The following MYPN variants were observed in gnomAD, a reference collection of about 807,000 sequenced individuals.
MYPN encodes sarcomeric protein myopalladin, 145 kDa (MYOP).
In MYPN, 63 loss-of-function variants were observed where a neutral mutation model predicts 129.4. That is an observed-to-expected ratio of 0.49 (90% CI 0.40 to 0.60). The LOEUF is 0.60. Among genes scored for constraint, MYPN ranks in the 20% least tolerant of loss-of-function variants. The pLI is 0.00. For synonymous variants in MYPN, 629 were observed against 600.9 expected (o/e 1.05, Z -0.68); for missense variants, 1,596 against 1,635.4 (o/e 0.98, Z 0.42).
In MYPN at chr10:68,115,899, A is replaced by AT. The variant is rs201327916; in HGVS notation, c.-1-5530dup. The stretch of plus-strand genomic sequence containing the variant: ...GCTTACTTCTACCTCTGTCAGGAAC[A>AT]TTTTTTTTTACCAGATGGTCACATG... On this transcript the variant is annotated intron_variant, in intron 1 of 19. Transcript: ENST00000358913. Among the ~76,000 whole-genome samples the AT allele has an allele frequency of 9.9e-5, 15 of 151,538 alleles. No individual in the cohort carries two copies. In the Middle Eastern group the frequency reaches 0.01, roughly 105 times the overall value.
At chr10:68,204,494 G>A (rs2043777774) in intron 18 of MYPN, among the ~76,000 whole-genome samples, 1 of 152,210 alleles carries the variant, frequency 6.6e-6, no homozygotes, top group Non-Finnish European at 1.5e-5. Context: ...GGCCAAGGCA[G>A]GTGGATCACC....
intron 2 of MYPN, among the ~76,000 whole-genome samples, chr10:68,125,442 C>T (rs145738686): frequency 1.3e-5 from 2 of 152,156 alleles, no homozygotes; most frequent in African/African-American, 2.4e-5. Context: ...TAGAATTGTC[C>T]GAGTAGACTA....
chr10:68,093,883 C>T (rs1437019754), intron 1 of MYPN, among the ~76,000 whole-genome samples: 2 of 152,056 alleles, frequency 1.3e-5, no homozygotes, highest in Non-Finnish European at 2.9e-5. Flanking sequence ...GGATTATTCA[C>T]GAGTTTTCCA....
intron 18 of MYPN, among the ~76,000 whole-genome samples, chr10:68,203,446 A>C (rs1320652558): frequency 6.6e-6 from 1 of 151,450 alleles, no homozygotes; most frequent in Admixed American, 6.6e-5. Context: ...TTAATTGTCT[A>C]GGCATGGTGG....
chr10:68,138,156 G>A (rs547985072), intron 2 of MYPN, among the ~76,000 whole-genome samples: 127 of 148,810 alleles, frequency 8.5e-4, no homozygotes, highest in African/African-American at 2.7e-3. Flanking sequence ...AGGCTGGGGT[G>A]CAGTGCCGCG....
chr10:68,168,892 C>G (rs1279488709), intron 10 of MYPN, among the ~76,000 whole-genome samples: 1 of 147,192 alleles, frequency 6.8e-6, no homozygotes, highest in East Asian at 2.0e-4. Flanking sequence ...ACTCAGGAGG[C>G]TGAGGTGGGA....
rs527783693 is a variant in MYPN, at chr10:68,148,786, A to T, written c.1245+319A>T. ...TGGCCTAGAACAAACACTCTATATC[A>T]TAAAACCTGATTAGTTTCATGGAGC... is the stretch of plus-strand genomic sequence containing the variant. On this transcript the variant is annotated intron_variant, in intron 5 of 19. Coordinates refer to ENST00000358913, the MANE Select transcript of MYPN (RefSeq NM_032578.4). 6.8e-4 allele frequency among the ~76,000 whole-genome samples: 103 copies of T among 152,360 alleles called. 1 individual carries two copies. The South Asian group carries it at 0.013, about 20-fold the overall frequency.
chr10:68,182,617 A>G (rs1317301602), intron 12 of MYPN, among the ~76,000 whole-genome samples: 1 of 150,530 alleles, frequency 6.6e-6, no homozygotes, highest in Non-Finnish European at 1.5e-5. Context: ...AGTGATTCTC[A>G]TGCCTCAGCC....
chr10:68,209,671 C>CTTTTTTTTTTTTTTTTTTTTTT (rs35392300), intron 19 of MYPN, among the ~76,000 whole-genome samples: 37 of 131,188 alleles, frequency 2.8e-4, no homozygotes, highest in South Asian at 4.8e-4. Flanking sequence ...GAATTCTTTT[C>CTTTTTTTTTTTTTTTTTTTTTT]TTTTTTTTTT....
intron 7 of MYPN, 54 bp downstream of exon 7, chr10:68,158,681 TAC>T: frequency 1.6e-6 from 2 of 1,266,510 alleles, no homozygotes; most frequent in Non-Finnish European, 2.2e-6. Context: ...GAACTTATTG[TAC>T]ACACTTATTT....
intron 8 of MYPN, among the ~76,000 whole-genome samples, chr10:68,163,537 G>A (rs963968899): frequency 1.3e-5 from 2 of 152,070 alleles, no homozygotes; most frequent in Non-Finnish European, 2.9e-5. Flanking sequence ...GCTGAGGCGA[G>A]AGAATGGTGT....
chr10:68,147,313 C>G (rs971010118), intron 4 of MYPN, among the ~76,000 whole-genome samples: 2 of 152,088 alleles, frequency 1.3e-5, no homozygotes, highest in African/African-American at 4.8e-5. Flanking sequence ...CGCCACCATG[C>G]CTGGCTAATT....
rs1186138727 is a variant in MYPN at position 68,210,729 on chromosome 10, A to C, written c.*274A>C. 1.8e-6 allele frequency: 1 copy of C among 550,524 alleles called. No individual in the cohort carries two copies. The highest frequency in any genetic ancestry group is 3.5e-6 in the Non-Finnish European group (1 of 289,352). The allele number at this position is 550,524 out of a possible 1,614,324, so 34.1% of individuals were successfully genotyped here. A position where few individuals can be genotyped will look rare whatever the true frequency, so the allele number is the denominator to read the frequency against. On this transcript the variant is annotated 3_prime_UTR_variant, in exon 20 of 20. Transcript: ENST00000358913. ...CACAGTTGCCATCCACTGCTTTGGG[A>C]AAAAACTAGCATGCTCCCCTGCTCC...
chr10:68,191,569 G>A (rs2394454), intron 13 of MYPN, among the ~76,000 whole-genome samples: 27,899 of 152,098 alleles, frequency 0.18, 3,072 homozygotes, highest in Middle Eastern at 0.38. Context: ...TAGGGATTGC[G>A]TTGAATCTGT....
chr10:68,204,140 G>T (rs1033639551), intron 18 of MYPN, among the ~76,000 whole-genome samples: 1 of 152,274 alleles, frequency 6.6e-6, no homozygotes, highest in Admixed American at 6.5e-5. Flanking sequence ...AGTCACAATT[G>T]TTAGTACTAA....
In MYPN at chr10:68,143,037, GAGGACAC is replaced by G. The variant is rs779631540; in HGVS notation, c.1006_1012del (p.Thr336AlafsTer21). 1.2e-6 allele frequency: 2 copies of G among 1,614,168 alleles called. No individual in the cohort carries two copies. The highest frequency in any genetic ancestry group is 1.7e-6 in the Non-Finnish European group (2 of 1,180,008). ...ACTGACCATTGCGGAAGCCTTTGAA[GAGGACAC>G]AGGACGCTATTCCTGCTTTGCTTCT... On this transcript the variant is annotated frameshift_variant, in exon 3 of 20. Coordinates refer to ENST00000358913, the MANE Select transcript of MYPN (RefSeq NM_032578.4). LOFTEE classifies it high-confidence loss of function.
At chr10:68,180,897 C>T (rs1347842993) in intron 12 of MYPN, among the ~76,000 whole-genome samples, 1 of 152,232 alleles carries the variant, frequency 6.6e-6, no homozygotes, top group Admixed American at 6.5e-5. Context: ...GTCAATTTAT[C>T]AGCCTGAAGA....
chr10:68,110,948 C>T (rs1290425462), intron 1 of MYPN, among the ~76,000 whole-genome samples: 1 of 152,160 alleles, frequency 6.6e-6, no homozygotes, highest in African/African-American at 2.4e-5. Flanking sequence ...AACAGTTGAA[C>T]ACTATCCAAA....
chr10:68,136,587 A>T lies in MYPN; in HGVS notation c.903-6353A>T, dbSNP rs1441234893. On this transcript the variant is annotated intron_variant, in intron 2 of 19. Coordinates refer to ENST00000358913, the MANE Select transcript of MYPN (RefSeq NM_032578.4). ...GTTAAAGTCAGAGTGACGGTTACCGATTGTTTTTTTAGGCCTGCTGAGGCC... is the reference window on the plus strand; with the variant it reads ...GTTAAAGTCAGAGTGACGGTTACCGTTTGTTTTTTTAGGCCTGCTGAGGCC... The T allele has an allele frequency of 8.0e-6, 12 of 1,498,358 alleles. No individual in the cohort carries two copies. The East Asian group carries it at 3.0e-4, about 37-fold the overall frequency. The allele number at this position is 1,498,358 out of a possible 1,614,324, so 92.8% of individuals were successfully genotyped here.
Sources: gnomAD v4.1 joint callset for allele counts (sites outside exome capture counted in the v4.1 genomes callset) on GRCh38, gnomAD v4.1.1 for gene constraint, MANE v1.5 for transcripts, NCBI Gene and HGNC (gene_info 2026-07-23, HGNC 2026-07-21) for gene names.